The following QTRT2 variants were observed in gnomAD, a reference collection of about 807,000 sequenced individuals.
QTRT2 encodes queuine tRNA-ribosyltransferase domain containing 1.
QTRT2 carries 32 observed loss-of-function variants against 44.8 expected under a neutral mutation model. That is an observed-to-expected ratio of 0.71 (90% CI 0.54 to 0.96). The LOEUF is 0.96. Ranked by LOEUF, QTRT2 falls within the 40% of genes least tolerant of loss-of-function variation. The pLI is 0.00. For synonymous variants in QTRT2, 182 were observed against 187.4 expected, an observed-to-expected ratio of 0.97 and a Z score of 0.24; for missense variants, 461 against 503.1, an observed-to-expected ratio of 0.92 and a Z score of 0.80.
At chr3:114,064,700 A>G (rs2076929788) in intron 2 of QTRT2, among the ~76,000 whole-genome samples, 1 of 152,212 alleles carries the variant, frequency 6.6e-6, no homozygotes, top group Non-Finnish European at 1.5e-5. Context: ...GACCTCAGAG[A>G]TCTGTTTATG....
chr3:114,081,078 A>C (rs959892114), intron 8 of QTRT2, among the ~76,000 whole-genome samples: 4 of 152,232 alleles, frequency 2.6e-5, no homozygotes, highest in African/African-American at 9.6e-5. Flanking sequence ...AACAGAGGTA[A>C]CTGTTAGTCA....
At position 114,076,885 on chromosome 3, in the gene QTRT2, A is replaced by C. The variant is rs1559958766; in HGVS notation, c.689A>C (p.Glu230Ala). Reference protein sequence around the residue: ...DGFQGNPTTLEARLRLLSSVT... With the variant: ...DGFQGNPTTLAARLRLLSSVT... ...TTTCAAGGAAATCCAACAACCCTGG[A>C]GGCTAGACTACGCTTGCTGTCATCA... is the stretch of plus-strand genomic sequence containing the variant. Residue 230 changes from glutamate (E) to alanine (A), a missense_variant, in exon 7 of 10, where the codon GAG becomes GCG. Transcript: ENST00000281273. 1 of 1,614,202 alleles carries C rather than the reference A, an allele frequency of 6.2e-7. No homozygotes were observed. The highest frequency in any genetic ancestry group is 1.3e-5 in the African/African-American group (1 of 75,042).
chr3:114,065,139 C>G, intron 2 of QTRT2, 98 bp from the exon 3 acceptor site: 1 of 744,372 alleles, frequency 1.3e-6, no homozygotes, highest in Non-Finnish European at 2.3e-6. Context: ...AATAAGCATG[C>G]TATCATTCAT....
At chr3:114,056,967 T>C (rs931980405) in intron 1 of QTRT2, 32 bp from the exon 2 acceptor site, 7 of 1,469,708 alleles carry the variant, frequency 4.8e-6, no homozygotes, top group Non-Finnish European at 5.4e-6. Context: ...GTGATTGTAC[T>C]CCCGCCATGT....
intron 2 of QTRT2, among the ~76,000 whole-genome samples, chr3:114,061,915 C>T (rs917648476): frequency 1.3e-5 from 2 of 149,850 alleles, no homozygotes; most frequent in African/African-American, 4.9e-5. Flanking sequence ...ACAGTGTGTT[C>T]TAGGGGAAAA....
chr3:114,081,527 T>C (rs1408453335), intron 8 of QTRT2, among the ~76,000 whole-genome samples: 1 of 152,198 alleles, frequency 6.6e-6, no homozygotes, highest in African/African-American at 2.4e-5. Context: ...TGTTTAACTT[T>C]AATGGGCACA....
chr3:114,063,127 A>G (rs1193127772), intron 2 of QTRT2, among the ~76,000 whole-genome samples: 8 of 152,208 alleles, frequency 5.3e-5, no homozygotes, highest in African/African-American at 1.4e-4. Context: ...TTGTGTTTCA[A>G]GAAATCTAGT....
At chr3:114,064,622 C>A (rs965137082) in intron 2 of QTRT2, among the ~76,000 whole-genome samples, 1 of 152,082 alleles carries the variant, frequency 6.6e-6, no homozygotes, top group East Asian at 1.9e-4. Context: ...TTATGGATTG[C>A]GTGTATGCTC....
intron 2 of QTRT2, among the ~76,000 whole-genome samples, chr3:114,064,959 T>A (rs1479455744): frequency 1.3e-5 from 2 of 152,170 alleles, no homozygotes; most frequent in Non-Finnish European, 2.9e-5. Flanking sequence ...ATTCTGTTCT[T>A]TCATTTGTTT....
intron 5 of QTRT2, 78 bp downstream of exon 5, chr3:114,068,141 G>C (rs1577521789): frequency 1.8e-6 from 2 of 1,110,980 alleles, no homozygotes; most frequent in East Asian, 4.7e-5. Flanking sequence ...CAGATGCTCA[G>C]ATCCCACTGT....
chr3:114,068,370 C>G, intron 5 of QTRT2: 1 of 280,110 alleles, frequency 3.6e-6, no homozygotes, highest in Middle Eastern at 1.2e-3. Flanking sequence ...AGTCTTTCGG[C>G]GCCATGCTTT....
At chr3:114,064,084 A>C (rs1358725648) in intron 2 of QTRT2, among the ~76,000 whole-genome samples, 2 of 152,074 alleles carry the variant, frequency 1.3e-5, no homozygotes, top group Admixed American at 6.6e-5. Flanking sequence ...GCATGGCGGC[A>C]CACACCTGTA....
intron 2 of QTRT2, among the ~76,000 whole-genome samples, chr3:114,058,460 C>T (rs1352744979): frequency 6.6e-6 from 1 of 152,214 alleles, no homozygotes; most frequent in African/African-American, 2.4e-5. Flanking sequence ...TCTCTTTCCC[C>T]CTACCAAATG....
At chr3:114,084,628 G>C (rs1031087114) in intron 9 of QTRT2, among the ~76,000 whole-genome samples, 8 of 152,146 alleles carry the variant, frequency 5.3e-5, no homozygotes, top group African/African-American at 1.9e-4. Flanking sequence ...CTTAGGCCTA[G>C]TGTGTGCCCA....
At position 114,086,042 on chromosome 3, in the gene QTRT2, T is replaced by C. The variant is rs1484939166; in HGVS notation, c.*138T>C. 2 of 705,352 alleles carry C rather than the reference T, an allele frequency of 2.8e-6. No homozygotes were observed. The highest frequency in any genetic ancestry group is 3.6e-5 in the South Asian group (2 of 55,302). 43.7% of individuals were successfully genotyped at this position (705,352 alleles called of 1,614,324 possible). A position where few individuals can be genotyped will look rare whatever the true frequency, so the allele number is the denominator to read the frequency against. Reference sequence around the variant, plus strand: ...GGTCTGCTTAAATAAAGAATCTTTGTACCAAACTGCCCACATGAGGGTGAA... The same window carrying C: ...GGTCTGCTTAAATAAAGAATCTTTGCACCAAACTGCCCACATGAGGGTGAA... On this transcript the variant is annotated 3_prime_UTR_variant, in exon 10 of 10. Coordinates refer to ENST00000281273, the MANE Select transcript of QTRT2 (RefSeq NM_024638.4).
At chr3:114,060,496 G>GTAGGTAGATAGATAGATAGA (rs74776205) in intron 2 of QTRT2, among the ~76,000 whole-genome samples, 1 of 144,450 alleles carries the variant, frequency 6.9e-6, no homozygotes, top group African/African-American at 2.6e-5. Context: ...AGGTAGGTAG[G>GTAGGTAGATAGATAGATAGA]TAGATAGATA....
intron 6 of QTRT2, among the ~76,000 whole-genome samples, chr3:114,075,835 C>G (rs1577536822): frequency 6.6e-6 from 1 of 152,128 alleles, no homozygotes; most frequent in Non-Finnish European, 1.5e-5. Context: ...CAACCTTTTC[C>G]TGTAAGCTTT....
chr3:114,075,308 G>A (rs910158260), intron 6 of QTRT2, among the ~76,000 whole-genome samples: 2 of 152,004 alleles, frequency 1.3e-5, no homozygotes, highest in Non-Finnish European at 2.9e-5. Flanking sequence ...TTCTTCATAC[G>A]TGTATAGGGC....
At chr3:114,081,776 T>C (rs2077168382) in intron 8 of QTRT2, among the ~76,000 whole-genome samples, 2 of 152,072 alleles carry the variant, frequency 1.3e-5, no homozygotes, top group Admixed American at 1.3e-4. Flanking sequence ...GCATGCAAAT[T>C]TATGGGAACA....
Sources: allele counts gnomAD v4.1 joint callset (sites outside exome capture counted in the v4.1 genomes callset), GRCh38; gene constraint gnomAD v4.1.1; transcripts MANE v1.5; gene names NCBI Gene and HGNC (gene_info 2026-07-23, HGNC 2026-07-21).